Variants in PCDH11X observed in about 807,000 individuals in gnomAD.
PCDH11X encodes protocadherin 11 X-linked.
Under a neutral mutation model 53.3 loss-of-function variants are expected in PCDH11X, and 18 were observed. The ratio of observed to expected loss-of-function variants is 0.34; its 90% CI spans 0.23 to 0.50. PCDH11X has a LOEUF of 0.50. Among genes scored for constraint, PCDH11X ranks in the 20% least tolerant of loss-of-function variants. The probability of loss-of-function intolerance (pLI) is 0.98; values close to 1 mark genes in which losing one functional copy is unlikely to be tolerated. For synonymous variants in PCDH11X, 279 were observed against 393.3 expected (o/e 0.71, Z 3.44); for missense variants, 570 against 1,032.4 (o/e 0.55, Z 6.14).
intron 7 of PCDH11X, among the ~76,000 whole-genome samples, chrX:92,258,654 A>G (rs1053351341): frequency 1.8e-5 from 2 of 111,993 alleles, no homozygotes; most frequent in Non-Finnish European, 3.8e-5. Context: ...GGCGTGAGCC[A>G]CTGCATCCGG....
intron 9 of PCDH11X, among the ~76,000 whole-genome samples, chrX:92,435,080 CA>C (rs778670922): frequency 9.0e-6 from 1 of 110,544 alleles, no homozygotes; most frequent in East Asian, 2.9e-4. Flanking sequence ...AGGAGAATGG[CA>C]AAACCAAGTC....
At chrX:92,203,754 A>G (rs955848147) in intron 7 of PCDH11X, among the ~76,000 whole-genome samples, 1 of 111,854 alleles carries the variant, frequency 8.9e-6, no homozygotes, top group Non-Finnish European at 1.9e-5. Flanking sequence ...TGGGTCAGAG[A>G]TGAAATCATA....
chrX:92,434,227 T>G (rs1160388636), intron 9 of PCDH11X, among the ~76,000 whole-genome samples: 1 of 109,852 alleles, frequency 9.1e-6, no homozygotes, highest in Non-Finnish European at 1.9e-5. Context: ...TTTACCCATA[T>G]GCTGTTTAAC....
At chrX:92,110,194 A>G (rs1472024921) in intron 6 of PCDH11X, among the ~76,000 whole-genome samples, 1 of 112,044 alleles carries the variant, frequency 8.9e-6, no homozygotes, top group Non-Finnish European at 1.9e-5. Flanking sequence ...GTTCCAGCTT[A>G]TTGAAAATGA....
chrX:92,206,956 C>A (rs1489427892), intron 7 of PCDH11X, among the ~76,000 whole-genome samples: 1 of 111,593 alleles, frequency 9.0e-6, no homozygotes, highest in Non-Finnish European at 1.9e-5. Context: ...GGTCAATTTT[C>A]TTTGAGTAAA....
chrX:92,340,644 G>A lies in PCDH11X; in HGVS notation c.3145-47091G>A, dbSNP rs368037104. On this transcript the variant is annotated intron_variant, in intron 8 of 10. Transcript: ENST00000682573. ...ACTGGAAACAAAGCAACTGGGATGT[G>A]AGGAGTCGTGTCCCAAGGCTATGCA... is the stretch of plus-strand genomic sequence containing the variant. Among the ~76,000 whole-genome samples, 31 of 112,047 alleles carry A rather than the reference G, an allele frequency of 2.8e-4. 1 individual carries two copies. Among genetic ancestry groups the A allele is most frequent in the Admixed American group, 1.7e-3 (18 of 10,606 alleles).
intron 8 of PCDH11X, among the ~76,000 whole-genome samples, chrX:92,320,920 G>A (rs1210314538): frequency 9.2e-6 from 1 of 108,635 alleles, no homozygotes; most frequent in African/African-American, 3.4e-5. Flanking sequence ...AAACATGCAT[G>A]TAACATATGA....
intron 6 of PCDH11X, among the ~76,000 whole-genome samples, chrX:92,147,871 C>CTTTTTT (rs1426207533): frequency 2.3e-5 from 1 of 42,858 alleles, no homozygotes; most frequent in East Asian, 1.1e-3. Context: ...TTCTCTCTTT[C>CTTTTTT]CTTTCTTTCT....
chrX:92,515,591 A>C (rs1423133073), intron 10 of PCDH11X: 1 of 122,131 alleles, frequency 8.2e-6, no homozygotes, highest in Non-Finnish European at 1.7e-5. Flanking sequence ...CTAACGCATT[A>C]CCAGTCGTCC....
chrX:92,426,773 A>T (rs1282473496), intron 9 of PCDH11X, among the ~76,000 whole-genome samples: 1 of 111,038 alleles, frequency 9.0e-6, no homozygotes, highest in Non-Finnish European at 1.9e-5. Context: ...AGCTGAAAAT[A>T]CTAGAGGAAA....
intron 6 of PCDH11X, among the ~76,000 whole-genome samples, chrX:92,142,860 T>TAC (rs763078188): frequency 1.8e-5 from 2 of 108,304 alleles, no homozygotes; most frequent in African/African-American, 6.8e-5. Context: ...TATATATATA[T>TAC]ACACACACAC....
chrX:92,111,947 C>T (rs1256149355), intron 6 of PCDH11X, among the ~76,000 whole-genome samples: 3 of 108,593 alleles, frequency 2.8e-5, no homozygotes, highest in African/African-American at 1.0e-4. Context: ...TTAGTAGAGA[C>T]GGGGTTTCAC....
intron 6 of PCDH11X, among the ~76,000 whole-genome samples, chrX:92,063,499 C>T (rs1424600759): frequency 5.4e-5 from 6 of 111,082 alleles, no homozygotes; most frequent in Non-Finnish European, 1.1e-4. Context: ...TTTCAAGTTT[C>T]TCCTGAATCT....
intron 6 of PCDH11X, among the ~76,000 whole-genome samples, chrX:92,083,215 G>A (rs1176550363): frequency 1.8e-4 from 20 of 111,843 alleles, no homozygotes; most frequent in Non-Finnish European, 2.3e-4. Flanking sequence ...AGAGTCACCA[G>A]AAATTTATGT....
rs746832737 is a variant in PCDH11X at position 91,877,409 on chromosome X, C to A, written c.1169C>A (p.Ala390Glu). 5 of 1,209,738 alleles carry A rather than the reference C, an allele frequency of 4.1e-6. No homozygotes were observed. In the African/African-American group the frequency reaches 5.2e-5, roughly 13 times the overall value. Reference sequence around the variant, plus strand: ...CTCATAACTGTGACGGATAAGGATGCGGACCATAATGGCAGGGTGACATGC... The same window carrying A: ...CTCATAACTGTGACGGATAAGGATGAGGACCATAATGGCAGGGTGACATGC... ...IALITVTDKD[A>E]DHNGRVTCFT... is the part of the protein sequence containing the mutation. Residue 390 changes from alanine to glutamate, a missense_variant, in exon 6 of 11, where the codon GCG (alanine) becomes GAG (glutamate). Around this residue, in one of 6 missense-constraint regions of PCDH11X, gnomAD observed 226 missense variants for 457.5 expected, o/e 0.49. Coordinates refer to ENST00000682573, the MANE Select transcript of PCDH11X (RefSeq NM_032968.5).
chrX:91,961,397 C>A (rs949615507), intron 6 of PCDH11X, among the ~76,000 whole-genome samples: 9 of 110,200 alleles, frequency 8.2e-5, no homozygotes, highest in African/African-American at 3.0e-4. Flanking sequence ...AGATCAGGAG[C>A]AAGGATGTCC....
chrX:92,424,183 TG>T (rs2072048007), intron 9 of PCDH11X, among the ~76,000 whole-genome samples: 2 of 39,625 alleles, frequency 5.0e-5, no homozygotes, highest in Non-Finnish European at 9.0e-5. Flanking sequence ...TATTGGCAAA[TG>T]TTTTTTTTTT....
intron 10 of PCDH11X, among the ~76,000 whole-genome samples, chrX:92,606,345 C>G (rs912575241): frequency 1.8e-5 from 2 of 109,407 alleles, no homozygotes; most frequent in African/African-American, 6.7e-5. Context: ...GATAACTAAG[C>G]CTTTTCCATT....
intron 6 of PCDH11X, among the ~76,000 whole-genome samples, chrX:92,096,392 G>A (rs1198673267): frequency 7.3e-5 from 8 of 109,214 alleles, no homozygotes; most frequent in Non-Finnish European, 1.5e-4. Flanking sequence ...TGAATGAATA[G>A]ACAAGTTTAT....
Sources: allele counts gnomAD v4.1 joint callset (sites outside exome capture counted in the v4.1 genomes callset), GRCh38; gene constraint gnomAD v4.1.1; regional missense constraint gnomAD v4.1.1; transcripts MANE v1.5; gene names NCBI Gene and HGNC (gene_info 2026-07-23, HGNC 2026-07-21).